The following JAK1 variants were observed in gnomAD, a reference collection of about 807,000 sequenced individuals.
JAK1 encodes Janus kinase 1.
JAK1 carries 16 observed loss-of-function variants against 136.6 expected under a neutral mutation model. That is an observed-to-expected ratio of 0.12 (90% confidence interval 0.08 to 0.18). The LOEUF (loss-of-function observed/expected upper bound fraction) is 0.18. Among genes scored for constraint, JAK1 ranks in the 10% least tolerant of loss-of-function variants. JAK1 has a pLI of 1.00. For missense variants in JAK1, 859 were observed against 1,450.1 expected, an observed-to-expected ratio of 0.59 and a Z score of 6.62; for synonymous variants, 492 against 519.5, an observed-to-expected ratio of 0.95 and a Z score of 0.72.
chr1:65,038,282 T>G (rs1281645539), intron 2 of JAK1, among the ~76,000 whole-genome samples: 3 of 148,082 alleles, frequency 2.0e-5, no homozygotes, highest in Non-Finnish European at 4.4e-5. Flanking sequence ...CACTGCAACC[T>G]CTGCCTCCCG....
Position 64,869,378 on chromosome 1 carries a change from C to G in JAK1, c.580G>C (p.Val194Leu), listed in dbSNP as rs1166182040. Residue 194 changes from valine to leucine, a missense_variant, in exon 6 of 25, where the codon GTC becomes CTC. This residue lies in a region of JAK1 where 353 missense variants were observed against 494.0 expected (regional missense o/e 0.71). Coordinates refer to ENST00000342505, the MANE Select transcript of JAK1 (RefSeq NM_002227.4). ...ATGGCATAGTGTGAGATGGCCAGGA[C>G]AGCCATCCCTAGACACTCGTTCTCA... ...DIENECLGMA[V>L]LAISHYAMMK... is the part of the protein sequence containing the mutation. 6.2e-7 allele frequency: 1 copy of G among 1,613,870 alleles called. No individual in the cohort carries two copies. The highest frequency in any genetic ancestry group is 1.3e-5 in the African/African-American group (1 of 75,034).
chr1:64,928,787 A>ACAAAAAC (rs1553170000), intron 1 of JAK1, among the ~76,000 whole-genome samples: 1 of 92,602 alleles, frequency 1.1e-5, no homozygotes, highest in African/African-American at 5.4e-5. Context: ...GCAAAAAAAA[A>ACAAAAAC]AAAAAAAAAC....
intron 2 of JAK1, among the ~76,000 whole-genome samples, chr1:65,001,440 T>G (rs1217070037): frequency 6.6e-6 from 1 of 152,142 alleles, no homozygotes; most frequent in African/African-American, 2.4e-5. Flanking sequence ...TCTGCTCGCC[T>G]TCCCGGAGGT....
intron 1 of JAK1, among the ~76,000 whole-genome samples, chr1:64,957,957 A>T (rs909962798): frequency 7.0e-6 from 1 of 142,770 alleles, no homozygotes; most frequent in African/African-American, 2.6e-5. Context: ...AAAAAAAAAA[A>T]GTGTACTGCA....
At chr1:64,974,052 T>C (rs371883925) in intron 2 of JAK1, 1 of 152,356 alleles carries the variant, frequency 6.6e-6, no homozygotes, top group East Asian at 1.9e-4. Flanking sequence ...ATTATGTTTT[T>C]AGACTGAAAA....
At chr1:64,942,460 CTT>C (rs1198113526) in intron 1 of JAK1, 3 of 152,124 alleles carry the variant, frequency 2.0e-5, no homozygotes, top group East Asian at 1.9e-4. Context: ...ATATCGCAGA[CTT>C]GATGCTAGGT....
intron 2 of JAK1, among the ~76,000 whole-genome samples, chr1:64,975,307 G>A (rs1331012130): frequency 6.6e-6 from 1 of 152,174 alleles, no homozygotes; most frequent in Non-Finnish European, 1.5e-5. Context: ...TCATTGGTAT[G>A]GAAAGCCCAG....
chr1:65,001,044 A>G (rs1194104115), intron 2 of JAK1, among the ~76,000 whole-genome samples: 2 of 152,012 alleles, frequency 1.3e-5, no homozygotes, highest in Middle Eastern at 3.2e-3. Flanking sequence ...CAAAGGAAAG[A>G]CCTGGCCAGT....
chr1:64,880,605 G>A (rs534751370), intron 3 of JAK1, among the ~76,000 whole-genome samples: 2 of 152,288 alleles, frequency 1.3e-5, no homozygotes, highest in African/African-American at 2.4e-5. Flanking sequence ...AAAGTACTGA[G>A]TAGTAAAACA....
At chr1:65,020,889 G>A (rs567354) in intron 2 of JAK1, among the ~76,000 whole-genome samples, 34,776 of 152,020 alleles carry the variant, frequency 0.23, 5,138 homozygotes, top group East Asian at 0.39. Flanking sequence ...CCCACCCTTT[G>A]GGGCAGGGAA....
At chr1:65,035,430 T>C (rs769949107) in intron 2 of JAK1, among the ~76,000 whole-genome samples, 3 of 152,176 alleles carry the variant, frequency 2.0e-5, no homozygotes, top group African/African-American at 4.8e-5. Context: ...TGAGATGTCA[T>C]GGAAAAGGTA....
At chr1:64,851,551 T>TA (rs932174981) in intron 11 of JAK1, among the ~76,000 whole-genome samples, 40 of 152,302 alleles carry the variant, frequency 2.6e-4, no homozygotes, top group East Asian at 2.3e-3. Flanking sequence ...GAGAGGCGCT[T>TA]ACCAAATGCC....
intron 19 of JAK1, among the ~76,000 whole-genome samples, chr1:64,840,283 A>AGAAACT (rs1654807972): frequency 6.6e-6 from 1 of 152,214 alleles, no homozygotes; most frequent in African/African-American, 2.4e-5. Flanking sequence ...CGCTGCATAC[A>AGAAACT]GAAACTGGCC....
At chr1:64,839,520 C>T (rs1020354107) in intron 20 of JAK1, 83 bp downstream of exon 20, 60 of 1,225,880 alleles carry the variant, frequency 4.9e-5, no homozygotes, top group Middle Eastern at 2.0e-4. Context: ...GGTAAGGCCA[C>T]GGAGTGCCTG....
chr1:65,065,665 T>A (rs1049403104), intron 1 of JAK1, among the ~76,000 whole-genome samples: 1 of 150,296 alleles, frequency 6.7e-6, no homozygotes, highest in Non-Finnish European at 1.5e-5. Flanking sequence ...TTGGGCTGGG[T>A]GTGTCTTCTG....
chr1:64,864,889 C>A lies in JAK1; in HGVS notation c.1074G>T (p.Lys358Asn). The change falls in exon 8 of 25, where the codon AAG becomes AAT. Residue 358 changes from lysine to asparagine, a missense_variant. Around this residue, in one of 4 missense-constraint regions of JAK1, gnomAD observed 353 missense variants for 494.0 expected, o/e 0.71. Coordinates refer to ENST00000342505, the MANE Select transcript of JAK1 (RefSeq NM_002227.4). ...NKHKKDEEKNKIREEWNNFSY... is the reference protein window; with the variant it reads ...NKHKKDEEKNNIREEWNNFSY... ...AAAAATTGTTCCACTCTTCCCGGAT[C>A]TTGTTTTTCTCCTCATCCTTCTTGT... The A allele has an allele frequency of 6.2e-7, 1 of 1,613,886 alleles. No homozygotes were observed. The highest frequency in any genetic ancestry group is 8.5e-7 in the Non-Finnish European group (1 of 1,179,786).
intron 1 of JAK1, among the ~76,000 whole-genome samples, chr1:65,061,197 T>C (rs563526642): frequency 1.3e-5 from 2 of 152,214 alleles, no homozygotes; most frequent in African/African-American, 4.8e-5. Flanking sequence ...GGCAGGAGGA[T>C]TGCTGGAATC....
intron 1 of JAK1, among the ~76,000 whole-genome samples, chr1:64,933,986 C>G (rs939265647): frequency 1.3e-5 from 2 of 152,290 alleles, no homozygotes; most frequent in Middle Eastern, 3.4e-3. Flanking sequence ...GACATACAGC[C>G]AATGGCCTAA....
At chr1:65,021,454 T>C (rs569389224) in intron 2 of JAK1, among the ~76,000 whole-genome samples, 7 of 152,306 alleles carry the variant, frequency 4.6e-5, no homozygotes, top group African/African-American at 1.7e-4. Context: ...CCCAGGCTAC[T>C]TGTCCCATAG....
Sources: gnomAD v4.1 joint callset for allele counts (sites outside exome capture counted in the v4.1 genomes callset) on GRCh38, gnomAD v4.1.1 for gene constraint, gnomAD v4.1.1 regional missense constraint, MANE v1.5 for transcripts, NCBI Gene and HGNC (gene_info 2026-07-23, HGNC 2026-07-21) for gene names.